CCDC85C: variants seen among roughly 807,000 people sequenced by gnomAD.
CCDC85C encodes coiled-coil domain containing 85C.
Under a neutral mutation model 38.3 loss-of-function variants are expected in CCDC85C, and 18 were observed. The observed-to-expected ratio is 0.47, with a 90% CI of 0.33 to 0.70. CCDC85C has a LOEUF of 0.70. Among genes scored for constraint, CCDC85C ranks in the 30% least tolerant of loss-of-function variants. CCDC85C has a pLI of 0.03. For missense variants in CCDC85C, 566 were observed against 621.2 expected, an observed-to-expected ratio of 0.91 and a Z score of 0.94; for synonymous variants, 264 against 293.8, an observed-to-expected ratio of 0.90 and a Z score of 1.04.
rs1897114409 is a variant in CCDC85C at position 99,510,872 on chromosome 14, G to C, written c.*4374C>G. On this transcript the variant is annotated 3_prime_UTR_variant, in exon 6 of 6. Coordinates refer to ENST00000380243, the MANE Select transcript of CCDC85C (RefSeq NM_001144995.2). ...AAGTGGGTAAGCAGCAGGGTACCTT[G>C]TATAATGCACGACAGTTGCAGTATG... 1 of 1,151,820 alleles carries C rather than the reference G, an allele frequency of 8.7e-7. No individual in the cohort carries two copies. Among genetic ancestry groups the C allele is most frequent in the Non-Finnish European group, 1.1e-6 (1 of 877,104 alleles). The allele number at this position is 1,151,820 out of a possible 1,614,324, so 71.3% of individuals were successfully genotyped here.
At chr14:99,600,166 C>T (rs2055184291) in intron 1 of CCDC85C, among the ~76,000 whole-genome samples, 1 of 152,248 alleles carries the variant, frequency 6.6e-6, no homozygotes, top group South Asian at 2.1e-4. Context: ...GCAGCAAGCA[C>T]TTTTGAAGAG....
rs759549243 is a variant in CCDC85C at position 99,548,825 on chromosome 14, A to G, written c.794-12737T>C. 6.9e-4 allele frequency among the ~76,000 whole-genome samples: 105 copies of G among 152,296 alleles called. No homozygotes were observed. The highest frequency in any genetic ancestry group is 9.9e-4 in the Non-Finnish European group (67 of 68,010). ...AAGCAAAAAAACCCAAAACAAAAAC[A>G]AAACAAAAAGATGAACCAAATACAT... is the stretch of plus-strand genomic sequence containing the variant. On this transcript the variant is annotated intron_variant, in intron 1 of 5. Coordinates refer to ENST00000380243, the MANE Select transcript of CCDC85C (RefSeq NM_001144995.2). The surrounding 1 kb of genome is among the most constrained non-coding windows in gnomAD (Gnocchi z 4.9).
At chr14:99,593,006 C>T (rs557276336) in intron 1 of CCDC85C, among the ~76,000 whole-genome samples, 28 of 152,306 alleles carry the variant, frequency 1.8e-4, no homozygotes, top group African/African-American at 6.0e-4. Flanking sequence ...CCCATTGTTC[C>T]ACCAGCCGCT....
chr14:99,543,113 T>C (rs115672228), intron 1 of CCDC85C, among the ~76,000 whole-genome samples: 1 of 152,216 alleles, frequency 6.6e-6, no homozygotes, highest in African/African-American at 2.4e-5. Context: ...GGGTGGTGAG[T>C]TCCCCATCAT....
chr14:99,603,147 C>A lies in CCDC85C; in HGVS notation c.793+20G>T. On this transcript the variant is annotated intron_variant, in intron 1 of 5. Transcript: ENST00000380243. The surrounding 1 kb of genome is among the most constrained non-coding windows in gnomAD (Gnocchi z 7.5). ...CTGCAGCCAGGGAGACCCGCGCTGC[C>A]CGGCCCGTGTAGTCCTTACCGTGCA... 1 of 1,313,360 alleles carries A rather than the reference C, an allele frequency of 7.6e-7. No individual in the cohort carries two copies. The allele number at this position is 1,313,360 out of a possible 1,614,324, so 81.4% of individuals were successfully genotyped here. A position where few individuals can be genotyped will look rare whatever the true frequency, so the allele number is the denominator to read the frequency against.
chr14:99,604,059 C>T lies in CCDC85C; in HGVS notation c.-100G>A, dbSNP rs1479664205. The T allele has an allele frequency of 1.0e-6, 1 of 973,888 alleles. No homozygotes were observed. The highest frequency in any genetic ancestry group is 1.2e-6 in the Non-Finnish European group (1 of 824,186). 60.3% of individuals were successfully genotyped at this position (973,888 alleles called of 1,614,324 possible). On this transcript the variant is annotated 5_prime_UTR_variant, in exon 1 of 6. Coordinates refer to ENST00000380243, the MANE Select transcript of CCDC85C (RefSeq NM_001144995.2). ...CGGTCCGCGCGCGGGCGGGGGGCGG[C>T]CGGGGGCGCGTGCGGCCCGCCCCGC...
rs1434964988 is a variant in CCDC85C, at chr14:99,505,425, A to G, written c.*9821T>C. On this transcript the variant is annotated 3_prime_UTR_variant, in exon 6 of 6. Coordinates refer to ENST00000380243, the MANE Select transcript of CCDC85C (RefSeq NM_001144995.2). ...TGCAAAATACACAGAGATTTCCAAG[A>G]AAGGAGAACGTAAGACATCTCATTA... The G allele has an allele frequency of 6.6e-6, 1 of 152,272 alleles. No homozygotes were observed. The highest frequency in any genetic ancestry group is 1.5e-5 in the Non-Finnish European group (1 of 68,054). 9.4% of individuals were successfully genotyped at this position (152,272 alleles called of 1,614,324 possible).
intron 2 of CCDC85C, among the ~76,000 whole-genome samples, chr14:99,525,965 G>A (rs533714266): frequency 3.3e-5 from 5 of 152,334 alleles, no homozygotes; most frequent in East Asian, 3.9e-4. Flanking sequence ...AGCACAGCTC[G>A]GCTCAGCCGG....
intron 1 of CCDC85C, among the ~76,000 whole-genome samples, chr14:99,585,380 G>A (rs1264708776): frequency 1.3e-5 from 2 of 152,160 alleles, no homozygotes; most frequent in African/African-American, 2.4e-5. Flanking sequence ...CAGGTGTGGG[G>A]ACCCCAGAGC....
In CCDC85C at chr14:99,603,845, C is replaced by T; in HGVS notation, c.115G>A (p.Glu39Lys). 1 of 1,518,046 alleles carries T rather than the reference C, an allele frequency of 6.6e-7. No individual in the cohort carries two copies. 94.0% of individuals were successfully genotyped at this position (1,518,046 alleles called of 1,614,324 possible). A position where few individuals can be genotyped will look rare whatever the true frequency, so the allele number is the denominator to read the frequency against. The change falls in exon 1 of 6, where the codon GAG becomes AAG. Residue 39 changes from glutamate to lysine, a missense_variant. Transcript: ENST00000380243. This position sits in a 1 kb window ranked among gnomAD's most constrained non-coding sequence, Gnocchi z 7.5. ...AGCATGAGGCCCACCTTCTCGCCCT[C>T]GGCGCGCCGCAGCCGCCGCGCCAGC... The part of the protein sequence containing the change: ...EELARRLRRA[E>K]GEKVGLMLEH...
At position 99,529,736 on chromosome 14, in the gene CCDC85C, C is replaced by A. The variant is rs901292458; in HGVS notation, c.867+6279G>T. 2.0e-5 allele frequency among the ~76,000 whole-genome samples: 3 copies of A among 152,216 alleles called. 1 individual carries two copies. Among genetic ancestry groups the A allele is most frequent in the East Asian group, 3.9e-4 (2 of 5,194 alleles). On this transcript the variant is annotated intron_variant, in intron 2 of 5. Coordinates refer to ENST00000380243, the MANE Select transcript of CCDC85C (RefSeq NM_001144995.2). ...GCGGATTTGCAAAACCAAATCCTAC[C>A]TTGGCTGAGTAAGCCAGAGCAGCTC...
rs996628753 is a variant in CCDC85C at position 99,500,670 on chromosome 14, G to A, written c.*14576C>T. 1.1e-4 allele frequency: 92 copies of A among 816,832 alleles called. 1 individual carries two copies. In the South Asian group the frequency reaches 1.4e-3, roughly 12 times the overall value. The allele number at this position is 816,832 out of a possible 1,614,324, so 50.6% of individuals were successfully genotyped here. A position where few individuals can be genotyped will look rare whatever the true frequency, so the allele number is the denominator to read the frequency against. On this transcript the variant is annotated 3_prime_UTR_variant, in exon 6 of 6. Transcript: ENST00000380243. ...AAAGGCAGTTGCTAAAATATAACTT[G>A]AAGAGAGAATAAATAGACAGGAAAG... is the stretch of plus-strand genomic sequence containing the variant.
rs565031470 is a variant in CCDC85C at position 99,504,006 on chromosome 14, CG to C, written c.*11239del. The C allele has an allele frequency of 1.6e-4, 56 of 356,038 alleles. No homozygotes were observed. The highest frequency in any genetic ancestry group is 2.5e-4 in the Non-Finnish European group (47 of 184,338). The allele number at this position is 356,038 out of a possible 1,614,324, so 22.1% of individuals were successfully genotyped here. ...CCCAAGCACCAAGCCACAGCAGATGCGGGGGGGCAGTAGGGGGTGGTGTGCT... is the reference window on the plus strand; with the variant it reads ...CCCAAGCACCAAGCCACAGCAGATGCGGGGGGCAGTAGGGGGTGGTGTGCT... On this transcript the variant is annotated 3_prime_UTR_variant, in exon 6 of 6. Transcript: ENST00000380243.
intron 1 of CCDC85C, among the ~76,000 whole-genome samples, chr14:99,573,479 C>T (rs1370447157): frequency 2.0e-5 from 3 of 152,340 alleles, no homozygotes; most frequent in Non-Finnish European, 4.4e-5. Context: ...GAGGCCATGC[C>T]TTTGAGGTCC....
chr14:99,580,480 G>A (rs1168430137), intron 1 of CCDC85C, among the ~76,000 whole-genome samples: 1 of 127,700 alleles, frequency 7.8e-6, no homozygotes, highest in East Asian at 2.8e-4. Flanking sequence ...GGGAGGGGGG[G>A]AAGGGGGCGG....
At position 99,591,629 on chromosome 14, in the gene CCDC85C, A is replaced by C. The variant is rs1023196812; in HGVS notation, c.793+11538T>G. On this transcript the variant is annotated intron_variant, in intron 1 of 5. Coordinates refer to ENST00000380243, the MANE Select transcript of CCDC85C (RefSeq NM_001144995.2). ...GCACAGCAAGTGGTCCTGGGGCCACAACTCCAGGGCCAGGGTGGTAAAGCG... is the reference window on the plus strand; with the variant it reads ...GCACAGCAAGTGGTCCTGGGGCCACCACTCCAGGGCCAGGGTGGTAAAGCG... Among the ~76,000 whole-genome samples, 7 of 152,276 alleles carry C rather than the reference A, an allele frequency of 4.6e-5. 1 individual carries two copies. In the South Asian group the frequency reaches 1.5e-3, roughly 32 times the overall value.
intron 1 of CCDC85C, among the ~76,000 whole-genome samples, chr14:99,601,771 C>A (rs531993465): frequency 6.6e-5 from 10 of 152,258 alleles, no homozygotes; most frequent in African/African-American, 2.4e-4. Context: ...CAAAGAGAAA[C>A]CTGAGTTGTA....
chr14:99,502,138 C>T lies in CCDC85C; in HGVS notation c.*13108G>A. 3.4e-6 allele frequency: 5 copies of T among 1,463,336 alleles called. No individual in the cohort carries two copies. The highest frequency in any genetic ancestry group is 4.5e-6 in the Non-Finnish European group (5 of 1,100,422). The allele number at this position is 1,463,336 out of a possible 1,614,324, so 90.6% of individuals were successfully genotyped here. ...GCAAATTAATGGTTAGTTATGGCAT[C>T]TCCATGCACTGGTTTAATCATAAAT... On this transcript the variant is annotated 3_prime_UTR_variant, in exon 6 of 6. Coordinates refer to ENST00000380243, the MANE Select transcript of CCDC85C (RefSeq NM_001144995.2).
chr14:99,539,749 C>A (rs188524607), intron 1 of CCDC85C, among the ~76,000 whole-genome samples: 2 of 152,316 alleles, frequency 1.3e-5, no homozygotes, highest in East Asian at 3.9e-4. Context: ...CCTGACTGTG[C>A]GGCTGCTCAG....
Sources: allele counts gnomAD v4.1 joint callset (sites outside exome capture counted in the v4.1 genomes callset), GRCh38; gene constraint gnomAD v4.1.1; non-coding constraint Gnocchi (gnomAD v3.1); transcripts MANE v1.5; gene names NCBI Gene and HGNC (gene_info 2026-07-23, HGNC 2026-07-21).